The following GAN variants were observed in gnomAD, a reference collection of about 807,000 sequenced individuals.
The protein encoded by GAN is epididymis secretory sperm binding protein.
Under a neutral mutation model 71.3 loss-of-function variants are expected in GAN, and 48 were observed. The observed-to-expected ratio is 0.67, with a 90% CI of 0.53 to 0.86. GAN has a LOEUF of 0.86. Among genes scored for constraint, GAN ranks in the 40% least tolerant of loss-of-function variants. The pLI, the probability that GAN is intolerant of heterozygous loss-of-function variation, is 0.00. For missense variants in GAN, 928 were observed against 770.1 expected (o/e 1.21, Z -2.43); for synonymous variants, 386 against 276.8 (o/e 1.39, Z -3.92).
chr16:81,342,431 G>A (rs1909974877), intron 1 of GAN, among the ~76,000 whole-genome samples: 2 of 151,910 alleles, frequency 1.3e-5, no homozygotes, highest in Admixed American at 1.3e-4. Flanking sequence ...ACAACAAACT[G>A]TCTCAGACCA....
chr16:81,322,724 T>A (rs910374663), intron 1 of GAN, among the ~76,000 whole-genome samples: 7 of 152,238 alleles, frequency 4.6e-5, no homozygotes, highest in Non-Finnish European at 5.9e-5. Context: ...ATGGTCCTAT[T>A]AGCATTCATC....
chr16:81,331,680 C>G (rs2150672309), intron 1 of GAN, among the ~76,000 whole-genome samples: 2 of 152,330 alleles, frequency 1.3e-5, no homozygotes, highest in East Asian at 1.9e-4. Flanking sequence ...CTGCACCCCG[C>G]TCTCTAGCTT....
At position 81,383,919 on chromosome 16, in the gene GAN, T is replaced by C. The variant is rs959074924; in HGVS notation, c.*6323T>C. 4 of 152,186 alleles carry C rather than the reference T, an allele frequency of 2.6e-5. No homozygotes were observed. The highest frequency in any genetic ancestry group is 2.0e-4 in the Admixed American group (3 of 15,276). The allele number at this position is 152,186 out of a possible 1,614,324, so 9.4% of individuals were successfully genotyped here. A position where few individuals can be genotyped will look rare whatever the true frequency, so the allele number is the denominator to read the frequency against. On this transcript the variant is annotated 3_prime_UTR_variant, in exon 11 of 11. Coordinates refer to ENST00000648994, the MANE Select transcript of GAN (RefSeq NM_022041.4). ...ATTATATTTATTAGGATCTTATTTT[T>C]AGCATTTCATTACAAGTAATAGGTT... is the stretch of plus-strand genomic sequence containing the variant.
At position 81,379,388 on chromosome 16, in the gene GAN, T is replaced by C. The variant is rs958149605; in HGVS notation, c.*1792T>C. ...CCAGAAGATACCTGATAAGAGAAGG[T>C]GTAAGGTTTTTATCTTATATGCCAG... On this transcript the variant is annotated 3_prime_UTR_variant, in exon 11 of 11. Coordinates refer to ENST00000648994, the MANE Select transcript of GAN (RefSeq NM_022041.4). 1 of 152,154 alleles carries C rather than the reference T, an allele frequency of 6.6e-6. No individual in the cohort carries two copies. The highest frequency in any genetic ancestry group is 1.5e-5 in the Non-Finnish European group (1 of 68,024). 9.4% of individuals were successfully genotyped at this position (152,154 alleles called of 1,614,324 possible).
At chr16:81,335,168 C>T (rs922561487) in intron 1 of GAN, among the ~76,000 whole-genome samples, 2 of 150,994 alleles carry the variant, frequency 1.3e-5, no homozygotes, top group Admixed American at 6.6e-5. Flanking sequence ...AGGGGTGTTC[C>T]AGGCAGGGAG....
intron 9 of GAN, among the ~76,000 whole-genome samples, chr16:81,366,099 G>C (rs1910848630): frequency 1.3e-5 from 2 of 152,124 alleles, no homozygotes; most frequent in Non-Finnish European, 2.9e-5. Flanking sequence ...AAACTGCTTA[G>C]TTATCAAAAC....
intron 9 of GAN, among the ~76,000 whole-genome samples, chr16:81,371,072 C>T (rs1911022501): frequency 6.6e-6 from 1 of 152,106 alleles, no homozygotes; most frequent in Non-Finnish European, 1.5e-5. Context: ...CTGCTGCTTT[C>T]TTTTGTTATT....
Position 81,378,540 on chromosome 16 carries a change from T to C in GAN, c.*944T>C, listed in dbSNP as rs568175744. 1 of 152,492 alleles carries C rather than the reference T, an allele frequency of 6.6e-6. No individual in the cohort carries two copies. The highest frequency in any genetic ancestry group is 2.1e-4 in the South Asian group (1 of 4,830). The allele number at this position is 152,492 out of a possible 1,614,324, so 9.4% of individuals were successfully genotyped here. A position where few individuals can be genotyped will look rare whatever the true frequency, so the allele number is the denominator to read the frequency against. On this transcript the variant is annotated 3_prime_UTR_variant, in exon 11 of 11. Coordinates refer to ENST00000648994, the MANE Select transcript of GAN (RefSeq NM_022041.4). Reference sequence around the variant, plus strand: ...GCTATCCAGACAAAATACATAGGGATCAGAAACTTTTTCATATAACCTGTC... The same window carrying C: ...GCTATCCAGACAAAATACATAGGGACCAGAAACTTTTTCATATAACCTGTC...
intron 9 of GAN, 27 bp downstream of exon 9, chr16:81,365,505 A>C (rs781255806): frequency 9.8e-5 from 157 of 1,607,474 alleles, no homozygotes; most frequent in Non-Finnish European, 1.3e-4. Context: ...TCACATAGCT[A>C]CTGCAACTTT....
Position 81,363,935 on chromosome 16 carries a change from G to A in GAN, c.1228G>A (p.Val410Ile). ...GACAAAGCAACCTGATTTGACCATG[G>A]TCAGAAAGGTGAGGACTGCATTTTG... Reference protein sequence around the residue: ...TWTKQPDLTMVRKIGCYAAMK... With the variant: ...TWTKQPDLTMIRKIGCYAAMK... Residue 410 changes from valine (V) to isoleucine (I), a missense_variant, in exon 7 of 11, where the codon GTC becomes ATC. Val to Ile is a conservative substitution (Grantham distance 29). Transcript: ENST00000648994. The A allele has an allele frequency of 1.9e-6, 3 of 1,613,022 alleles. No homozygotes were observed. Among genetic ancestry groups the A allele is most frequent in the Non-Finnish European group, 2.5e-6 (3 of 1,179,004 alleles).
At chr16:81,328,063 CTTAAAATT>C (rs1357055733) in intron 1 of GAN, among the ~76,000 whole-genome samples, 4 of 152,182 alleles carry the variant, frequency 2.6e-5, no homozygotes, top group African/African-American at 4.8e-5. Flanking sequence ...TCTTTGAACT[CTTAAAATT>C]TTAACATGCA....
At position 81,322,774 on chromosome 16, in the gene GAN, TTTAG is replaced by T. The variant is rs770262321; in HGVS notation, c.167+7496_167+7499del. On this transcript the variant is annotated intron_variant, in intron 1 of 10. Coordinates refer to ENST00000648994, the MANE Select transcript of GAN (RefSeq NM_022041.4). ...TACACCTCTGAATAATAGTAAATGGTTTAGTATTACTGAGCTCAAAATATTTGCA... is the reference window on the plus strand; with the variant it reads ...TACACCTCTGAATAATAGTAAATGGTTATTACTGAGCTCAAAATATTTGCA... 1.1e-4 allele frequency among the ~76,000 whole-genome samples: 16 copies of T among 152,238 alleles called. No individual in the cohort carries two copies. The East Asian group carries it at 3.1e-3, about 29-fold the overall frequency.
At chr16:81,351,065 A>G (rs1287496480) in intron 1 of GAN, among the ~76,000 whole-genome samples, 2 of 152,240 alleles carry the variant, frequency 1.3e-5, no homozygotes, top group Non-Finnish European at 2.9e-5. Context: ...TAAAATATAT[A>G]TTTCACGGAT....
intron 1 of GAN, among the ~76,000 whole-genome samples, chr16:81,334,079 C>T (rs1282307312): frequency 6.6e-6 from 1 of 152,228 alleles, no homozygotes; most frequent in African/African-American, 2.4e-5. Context: ...TCACATGACT[C>T]TCAAAGATAC....
chr16:81,349,304 A>G (rs1247909557), intron 1 of GAN, among the ~76,000 whole-genome samples: 1 of 151,958 alleles, frequency 6.6e-6, no homozygotes, highest in African/African-American at 2.4e-5. Flanking sequence ...AATTAGGATT[A>G]AGTTTCCTCA....
intron 1 of GAN, among the ~76,000 whole-genome samples, chr16:81,320,631 T>G (rs1909193083): frequency 6.6e-6 from 1 of 152,374 alleles, no homozygotes; most frequent in Non-Finnish European, 1.5e-5. Flanking sequence ...TCTTGAATAG[T>G]GATTGTAGCC....
At chr16:81,374,421 A>G (rs1430569024) in intron 9 of GAN, among the ~76,000 whole-genome samples, 1 of 152,222 alleles carries the variant, frequency 6.6e-6, no homozygotes, top group African/African-American at 2.4e-5. Context: ...ATCCACTGGT[A>G]GACCTAGCCT....
At chr16:81,329,814 G>A (rs761995349) in intron 1 of GAN, among the ~76,000 whole-genome samples, 17 of 151,990 alleles carry the variant, frequency 1.1e-4, no homozygotes, top group African/African-American at 3.4e-4. Context: ...TGTCTCCCAC[G>A]GTGATCTCAT....
At chr16:81,369,395 TATCA>T (rs1910963958) in intron 9 of GAN, among the ~76,000 whole-genome samples, 2 of 152,214 alleles carry the variant, frequency 1.3e-5, no homozygotes, top group Admixed American at 1.3e-4. Flanking sequence ...AGGTGATGCC[TATCA>T]CATCCCCACT....
Sources: gnomAD v4.1 joint callset for allele counts (sites outside exome capture counted in the v4.1 genomes callset) on GRCh38, gnomAD v4.1.1 for gene constraint, MANE v1.5 for transcripts, NCBI Gene and HGNC (gene_info 2026-07-23, HGNC 2026-07-21) for gene names.